PTPRD: variants seen among roughly 807,000 people sequenced by gnomAD.
The protein encoded by PTPRD is protein tyrosine phosphatase receptor type D, also known as receptor-type tyrosine-protein phosphatase delta.
Under a neutral mutation model 214.5 loss-of-function variants are expected in PTPRD, and 34 were observed. The ratio of observed to expected loss-of-function variants is 0.16; its 90% CI spans 0.12 to 0.21. PTPRD has a LOEUF of 0.21. Among genes scored for constraint, PTPRD ranks in the 10% least tolerant of loss-of-function variants. The pLI is 1.00. For synonymous variants in PTPRD, 1,128 were observed against 845.7 expected (o/e 1.33, Z -5.79); for missense variants, 2,545 against 2,398.7 (o/e 1.06, Z -1.27).
At chr9:10,212,245 AAAGAGTAGGATGG>A (rs2099520745) in intron 3 of PTPRD, among the ~76,000 whole-genome samples, 1 of 152,096 alleles carries the variant, frequency 6.6e-6, no homozygotes, top group South Asian at 2.1e-4. Flanking sequence ...CAAGCAAAAG[AAAGAGTAGGATGG>A]AAGAAGGAGA....
intron 11 of PTPRD, among the ~76,000 whole-genome samples, chr9:8,864,017 G>C (rs1038104820): frequency 6.6e-5 from 10 of 152,060 alleles, no homozygotes; most frequent in Non-Finnish European, 1.5e-4. Flanking sequence ...ATTGAATAAA[G>C]GAACACTCTA....
At position 8,465,579 on chromosome 9, in the gene PTPRD, T is replaced by C. The variant is rs745615839; in HGVS notation, c.3601A>G (p.Thr1201Ala). Residue 1201 changes from threonine (T) to alanine (A), a missense_variant, in exon 32 of 46, where the codon ACT (threonine) becomes GCT (alanine). Coordinates refer to ENST00000381196, the MANE Select transcript of PTPRD (RefSeq NM_002839.4). ...YIAAHFDVLPTEFTLGDDKHY... is the reference protein window; with the variant it reads ...YIAAHFDVLPAEFTLGDDKHY... ...TTGTCATCCCCCAGGGTGAACTCAG[T>C]GGGAAGGACATCAAAGTGAGCGGCA... 6.2e-7 allele frequency: 1 copy of C among 1,612,546 alleles called. No individual in the cohort carries two copies. Among genetic ancestry groups the C allele is most frequent in the Non-Finnish European group, 8.5e-7 (1 of 1,179,062 alleles).
At chr9:8,817,589 C>T (rs1299411678) in intron 11 of PTPRD, among the ~76,000 whole-genome samples, 1 of 152,070 alleles carries the variant, frequency 6.6e-6, no homozygotes, top group Non-Finnish European at 1.5e-5. Context: ...TGTGATCACA[C>T]CACTGTCCTC....
chr9:9,205,483 T>C lies in PTPRD; in HGVS notation c.-202-22120A>G, dbSNP rs550657213. Among the ~76,000 whole-genome samples, 3 of 152,210 alleles carry C rather than the reference T, an allele frequency of 2.0e-5. No individual in the cohort carries two copies. The South Asian group carries it at 6.2e-4, about 32-fold the overall frequency. ...TTCTAGATAATAATAATAATATAGA[T>C]CCAAAAGAAACCATAAAAGTATGCC... On this transcript the variant is annotated intron_variant, in intron 9 of 45. Coordinates refer to ENST00000381196, the MANE Select transcript of PTPRD (RefSeq NM_002839.4).
chr9:10,408,548 T>C (rs1380085579), intron 2 of PTPRD, among the ~76,000 whole-genome samples: 1 of 151,686 alleles, frequency 6.6e-6, no homozygotes, highest in Admixed American at 6.6e-5. Context: ...ATTTGTATTT[T>C]ATCACCCCTG....
At chr9:9,494,941 G>C (rs2096099988) in intron 8 of PTPRD, among the ~76,000 whole-genome samples, 2 of 152,256 alleles carry the variant, frequency 1.3e-5, no homozygotes, top group South Asian at 2.1e-4. Flanking sequence ...AATCAAAACA[G>C]TGTGGTACTA....
chr9:9,494,153 G>A (rs547962545), intron 8 of PTPRD, among the ~76,000 whole-genome samples: 107 of 152,262 alleles, frequency 7.0e-4, no homozygotes, highest in South Asian at 4.2e-3. Context: ...GAATACATGA[G>A]GAGTTGCTTC....
chr9:8,745,432 G>C (rs1044728835), intron 11 of PTPRD, among the ~76,000 whole-genome samples: 1 of 152,130 alleles, frequency 6.6e-6, no homozygotes, highest in Non-Finnish European at 1.5e-5. Context: ...TAAACGAAAG[G>C]GGAAGGCAAC....
chr9:9,074,708 T>C (rs1296824447), intron 10 of PTPRD, among the ~76,000 whole-genome samples: 1 of 152,052 alleles, frequency 6.6e-6, no homozygotes, highest in Non-Finnish European at 1.5e-5. Flanking sequence ...TTAAATCAGA[T>C]GATTACTTTT....
intron 7 of PTPRD, among the ~76,000 whole-genome samples, chr9:9,669,560 T>C (rs939921792): frequency 6.6e-6 from 1 of 152,170 alleles, no homozygotes; most frequent in African/African-American, 2.4e-5. Context: ...GTTTGAAGTA[T>C]TGAAAAATGA....
intron 10 of PTPRD, among the ~76,000 whole-genome samples, chr9:9,118,995 A>G (rs533698910): frequency 2.2e-4 from 33 of 152,338 alleles, no homozygotes; most frequent in Non-Finnish European, 4.6e-4. Flanking sequence ...TCACCTAAAA[A>G]TATACTAAGG....
At chr9:10,513,315 G>T (rs1260823203) in intron 2 of PTPRD, among the ~76,000 whole-genome samples, 1 of 152,104 alleles carries the variant, frequency 6.6e-6, no homozygotes, top group Non-Finnish European at 1.5e-5. Context: ...GACTATAAGT[G>T]CAACAGGACA....
At chr9:9,257,076 G>A (rs2099978034) in intron 9 of PTPRD, among the ~76,000 whole-genome samples, 1 of 151,852 alleles carries the variant, frequency 6.6e-6, no homozygotes, top group Non-Finnish European at 1.5e-5. Flanking sequence ...AATAAGAAAT[G>A]TATTAATATC....
chr9:9,621,975 G>A (rs754894980), intron 7 of PTPRD, among the ~76,000 whole-genome samples: 3 of 152,128 alleles, frequency 2.0e-5, no homozygotes, highest in Non-Finnish European at 4.4e-5. Flanking sequence ...CATACTGAAC[G>A]GAGGCGAGGA....
chr9:9,781,502 G>A (rs922575680), intron 5 of PTPRD, among the ~76,000 whole-genome samples: 1 of 152,148 alleles, frequency 6.6e-6, no homozygotes, highest in African/African-American at 2.4e-5. Context: ...AGATCTAATT[G>A]ACCAATAATA....
chr9:10,378,792 T>C (rs1445479097), intron 2 of PTPRD, among the ~76,000 whole-genome samples: 1 of 152,094 alleles, frequency 6.6e-6, no homozygotes, highest in Non-Finnish European at 1.5e-5. Context: ...TAGTTTTGGC[T>C]ATTCTGTGTC....
At chr9:10,411,680 T>C (rs1187158095) in intron 2 of PTPRD, among the ~76,000 whole-genome samples, 4 of 151,806 alleles carry the variant, frequency 2.6e-5, no homozygotes, top group African/African-American at 7.2e-5. Flanking sequence ...TTTTTTTACT[T>C]ATTAGCTACT....
intron 7 of PTPRD, among the ~76,000 whole-genome samples, chr9:9,595,277 TTATATATATATTATATATATA>T (rs1212531050): frequency 2.7e-5 from 1 of 37,646 alleles, no homozygotes; most frequent in Non-Finnish European, 5.0e-5. Flanking sequence ...ATGAAAAGGA[TTATATATATATTATATATATA>T]TATATATATA....
chr9:10,476,088 C>A (rs2099060707), intron 2 of PTPRD, among the ~76,000 whole-genome samples: 2 of 151,984 alleles, frequency 1.3e-5, no homozygotes, highest in Admixed American at 1.3e-4. Context: ...AAGTTATGCC[C>A]CCTCTCACCT....
Sources: gnomAD v4.1 joint callset for allele counts (sites outside exome capture counted in the v4.1 genomes callset) on GRCh38, gnomAD v4.1.1 for gene constraint, MANE v1.5 for transcripts, NCBI Gene and HGNC (gene_info 2026-07-23, HGNC 2026-07-21) for gene names.